MYO16: variants seen among roughly 807,000 people sequenced by gnomAD.
MYO16 encodes myosin XVI, also known as unconventional myosin-XVI.
A neutral mutation model predicts 205.3 loss-of-function variants in MYO16; 94 were observed. The ratio of observed to expected loss-of-function variants is 0.46; its 90% CI spans 0.39 to 0.54. MYO16 has a LOEUF of 0.54. MYO16 is among the 20% of genes least tolerant of loss of function. The pLI, the probability that MYO16 is intolerant of heterozygous loss-of-function variation, is 0.00. For synonymous variants in MYO16, 988 were observed against 954.0 expected (o/e 1.04, Z -0.66); for missense variants, 2,315 against 2,387.5 (o/e 0.97, Z 0.63).
intron 27 of MYO16, among the ~76,000 whole-genome samples, chr13:109,094,092 G>A (rs1353022028): frequency 2.6e-5 from 4 of 152,052 alleles, no homozygotes; most frequent in Admixed American, 6.6e-5. Flanking sequence ...CCACTCCACC[G>A]GGACTACAGT....
chr13:108,574,298 AG>A, the MYO16 span, among the ~76,000 whole-genome samples: 1 of 152,150 alleles, frequency 6.6e-6, no homozygotes, highest in Non-Finnish European at 1.5e-5. Context: ...ACTGTCTAAA[AG>A]CTCCATGGTT....
the MYO16 span, among the ~76,000 whole-genome samples, chr13:108,588,106 GC>G: frequency 9.9e-5 from 15 of 152,004 alleles, no homozygotes; most frequent in Admixed American, 3.9e-4. Context: ...TTTTTTCCGA[GC>G]TTTTTATTAT....
At chr13:109,170,205 T>A (rs1410803) in intron 33 of MYO16, among the ~76,000 whole-genome samples, 22,331 of 151,884 alleles carry the variant, frequency 0.15, 2,314 homozygotes, top group East Asian at 0.53. Flanking sequence ...TCAACGTTTA[T>A]TTAAATTAAA....
At chr13:108,925,118 G>A (rs1317510031) in intron 16 of MYO16, among the ~76,000 whole-genome samples, 1 of 152,138 alleles carries the variant, frequency 6.6e-6, no homozygotes, top group African/African-American at 2.4e-5. Flanking sequence ...AGAGCCAAGG[G>A]AAGTTGAAGG....
Position 109,118,423 on chromosome 13 carries a change from A to G in MYO16, c.3439-1947A>G, listed in dbSNP as rs554335435. Among the ~76,000 whole-genome samples, 29 of 152,296 alleles carry G rather than the reference A, an allele frequency of 1.9e-4. 1 individual carries two copies. The highest frequency in any genetic ancestry group is 6.7e-4 in the African/African-American group (28 of 41,570). On this transcript the variant is annotated intron_variant, in intron 28 of 34. Coordinates refer to ENST00000457511, the MANE Select transcript of MYO16 (RefSeq NM_001198950.3). ...ACCTCCTCTCCTGCTGAGGGTCTCC[A>G]CTGAATTAAGAGAGGGGAACTAGAA...
At chr13:108,613,976 G>A (rs995544186) in intron 1 of MYO16, among the ~76,000 whole-genome samples, 1 of 152,088 alleles carries the variant, frequency 6.6e-6, no homozygotes, top group East Asian at 1.9e-4. Context: ...GAATGTTCTA[G>A]CCAGGGCACT....
chr13:108,965,258 A>G (rs1024455665), intron 20 of MYO16, among the ~76,000 whole-genome samples: 8 of 152,296 alleles, frequency 5.3e-5, no homozygotes, highest in African/African-American at 1.7e-4. Flanking sequence ...AGGCACTGGA[A>G]TTTGTGGAGT....
At chr13:108,842,442 T>G (rs1217726237) in intron 9 of MYO16, among the ~76,000 whole-genome samples, 1 of 152,094 alleles carries the variant, frequency 6.6e-6, no homozygotes, top group African/African-American at 2.4e-5. Flanking sequence ...GTTTTTAATA[T>G]GAGCAAAGAA....
At chr13:108,628,138 A>G (rs1879818509), upstream of MYO16, among the ~76,000 whole-genome samples, 2 of 152,214 alleles carry the variant, frequency 1.3e-5, no homozygotes, top group Admixed American at 1.3e-4. Flanking sequence ...CCCTTTAAAA[A>G]TACATTATAG....
chr13:108,961,542 G>A lies in MYO16; in HGVS notation c.2041G>A (p.Val681Met). Residue 681 changes from valine to methionine, a missense_variant, in exon 18 of 35, where the codon GTG becomes ATG. Physicochemically the swap from Val to Met is conservative, Grantham distance 21. This residue lies in a region of MYO16 where 1,213 missense variants were observed against 1,274.4 expected (regional missense o/e 0.95). Transcript: ENST00000457511. ...LNVVGFSSLEVENLFVILAAI... is the reference protein window; with the variant it reads ...LNVVGFSSLEMENLFVILAAI... ...TCTCTGTTTGTAAAATGCATAGGAG[G>A]TGGAGAATCTGTTCGTAATTCTAGC... The A allele has an allele frequency of 5.0e-6, 8 of 1,612,714 alleles. No individual in the cohort carries two copies. The highest frequency in any genetic ancestry group is 5.9e-6 in the Non-Finnish European group (7 of 1,178,748).
intron 28 of MYO16, among the ~76,000 whole-genome samples, chr13:109,114,681 A>G (rs1875584716): frequency 6.6e-6 from 1 of 152,156 alleles, no homozygotes; most frequent in African/African-American, 2.4e-5. Flanking sequence ...AATAAATTCT[A>G]TCCAATTTTC....
At chr13:108,761,358 TAAAAAAGAAAAAGAAA>T in intron 4 of MYO16, among the ~76,000 whole-genome samples, 1 of 151,072 alleles carries the variant, frequency 6.6e-6, no homozygotes, top group East Asian at 1.9e-4. Flanking sequence ...TCATGGACAC[TAAAAAAGAAAAAGAAA>T]AAAAAGCTCT....
chr13:108,645,175 T>G (rs1244464161), intron 1 of MYO16, among the ~76,000 whole-genome samples: 1 of 152,202 alleles, frequency 6.6e-6, no homozygotes, highest in African/African-American at 2.4e-5. Flanking sequence ...AGGCCAAGAC[T>G]GATCATATAA....
At chr13:108,731,136 G>A (rs965504) in intron 4 of MYO16, among the ~76,000 whole-genome samples, 149,513 of 152,280 alleles carry the variant, frequency 0.98, 73,445 homozygotes, top group Middle Eastern at 1. Context: ...GTAATTCTTT[G>A]TCTAACTAAC....
At position 108,854,775 on chromosome 13, in the gene MYO16, T is replaced by G. The variant is rs78978136; in HGVS notation, c.1249-668T>G. Reference sequence around the variant, plus strand: ...TAATTTGAAAATAATGGATTTTCATTTAATTGAAGAATCCAAATTTATCTT... The same window carrying G: ...TAATTTGAAAATAATGGATTTTCATGTAATTGAAGAATCCAAATTTATCTT... On this transcript the variant is annotated intron_variant, in intron 10 of 34. Transcript: ENST00000457511. 0.02 allele frequency among the ~76,000 whole-genome samples: 3,120 copies of G among 152,334 alleles called. 193 individuals carry two copies. In the East Asian group the frequency reaches 0.21, roughly 10 times the overall value.
At chr13:109,003,735 T>C (rs1720113649) in intron 21 of MYO16, among the ~76,000 whole-genome samples, 1 of 152,186 alleles carries the variant, frequency 6.6e-6, no homozygotes, top group Non-Finnish European at 1.5e-5. Flanking sequence ...AAAAAACAAT[T>C]ACAGTATCTG....
Position 108,665,924 on chromosome 13 carries a change from A to G in MYO16, c.67A>G (p.Met23Val). ...ATGTAACGTTTTTCGATCCCATGAG[A>G]TGGAAATCGACCAGTGCTTGCTAGA... ...QLCNVFRSHE[M>V]EIDQCLLESL... The change falls in exon 2 of 35, where the codon ATG becomes GTG. Residue 23 changes from methionine (M) to valine (V), a missense_variant. Met to Val is a conservative substitution (Grantham distance 21). Transcript: ENST00000457511. 2 of 1,614,036 alleles carry G rather than the reference A, an allele frequency of 1.2e-6. No individual in the cohort carries two copies. Among genetic ancestry groups the G allele is most frequent in the Non-Finnish European group, 1.7e-6 (2 of 1,179,948 alleles).
At chr13:109,171,451 C>CCA (rs1878919029) in intron 33 of MYO16, among the ~76,000 whole-genome samples, 1 of 152,182 alleles carries the variant, frequency 6.6e-6, no homozygotes. Flanking sequence ...CTTTTGAATG[C>CCA]CAGTATCTGC....
chr13:109,173,629 C>G (rs1879009408), intron 33 of MYO16, among the ~76,000 whole-genome samples: 2 of 151,950 alleles, frequency 1.3e-5, no homozygotes, highest in East Asian at 1.9e-4. Context: ...GGCGCGGTGG[C>G]TCACGCCTGT....
Sources: gnomAD v4.1 joint callset for allele counts (sites outside exome capture counted in the v4.1 genomes callset) on GRCh38, gnomAD v4.1.1 for gene constraint, gnomAD v4.1.1 regional missense constraint, MANE v1.5 for transcripts, NCBI Gene and HGNC (gene_info 2026-07-23, HGNC 2026-07-21) for gene names.